The following LINC00632 variants were observed in gnomAD, a reference collection of about 807,000 sequenced individuals.
LINC00632 encodes the protein long independently transcribed non-coding RNA 632.
At chrX:140,772,509 A>G (rs185932897) in exon 4 of LINC00632, 1 of 290,430 alleles carries the variant, frequency 3.4e-6, no homozygotes, top group East Asian at 4.8e-5. Context: ...AAGAACAAGG[A>G]GAGGGATGAT....
chrX:140,768,444 G>C, intron 3 of LINC00632, among the ~76,000 whole-genome samples: 1 of 107,157 alleles, frequency 9.3e-6, no homozygotes. Flanking sequence ...CTATACAATA[G>C]AAGTGCAATA....
exon 5 of LINC00632, among the ~76,000 whole-genome samples, chrX:140,791,185 T>C (rs906562477): frequency 1.9e-5 from 2 of 107,240 alleles, no homozygotes; most frequent in Non-Finnish European, 3.8e-5. Flanking sequence ...CTTGATTGAC[T>C]TATAATTTTA....
At chrX:140,743,224 CAAAAAAAAAAAAAA>C (rs58322122) in intron 3 of LINC00632, among the ~76,000 whole-genome samples, 4 of 44,354 alleles carry the variant, frequency 9.0e-5, no homozygotes, top group African/African-American at 4.7e-4. Flanking sequence ...AACGCTGTCT[CAAAAAAAAAAAAAA>C]AAAAAAAAAA....
exon 5 of LINC00632, among the ~76,000 whole-genome samples, chrX:140,778,081 T>C (rs1200542090): frequency 8.9e-6 from 1 of 112,394 alleles, no homozygotes; most frequent in Non-Finnish European, 1.9e-5. Flanking sequence ...TAATTGTTTT[T>C]ATTTCCCCTC....
At chrX:140,762,230 A>AGAGAGG (rs1556027046) in intron 3 of LINC00632, among the ~76,000 whole-genome samples, 1 of 107,958 alleles carries the variant, frequency 9.3e-6, no homozygotes, top group Non-Finnish European at 1.9e-5. Context: ...AGAGAGAGAG[A>AGAGAGG]GAGAGAGAGA....
rs375131732 is a variant in LINC00632, at chrX:140,721,637, G to C, written n.104+9981G>C. Among the ~76,000 whole-genome samples, 28 of 110,422 alleles carry C rather than the reference G, an allele frequency of 2.5e-4. No individual in the cohort carries two copies. In the East Asian group the frequency reaches 8.1e-3, roughly 32 times the overall value. On this transcript the variant is annotated intron_variant and non_coding_transcript_variant, in intron 2 of 4. Coordinates refer to ENST00000648200, the Ensembl canonical transcript of LINC00632. ...CTGGTTCCTAGCAGGCCATGGAGTG[G>C]TACTGGTCCGTGGCCCAGGGGTTAG...
At chrX:140,738,693 A>G (rs1032601758) in intron 3 of LINC00632, among the ~76,000 whole-genome samples, 2 of 112,429 alleles carry the variant, frequency 1.8e-5, no homozygotes, top group East Asian at 5.5e-4. Flanking sequence ...AAAGTATTTC[A>G]CTAATATTTT....
chrX:140,720,957 T>C (rs1930719004), intron 2 of LINC00632, among the ~76,000 whole-genome samples: 1 of 110,793 alleles, frequency 9.0e-6, no homozygotes, highest in African/African-American at 3.3e-5. Flanking sequence ...CCCAGGGACT[T>C]ACCCTGAGAC....
At chrX:140,737,780 G>A (rs1352476392) in intron 3 of LINC00632, among the ~76,000 whole-genome samples, 2 of 111,699 alleles carry the variant, frequency 1.8e-5, no homozygotes, top group Non-Finnish European at 3.8e-5. Context: ...TTCCATCCAT[G>A]TTGCTGCAAA....
chrX:140,757,080 A>G (rs1931505708), intron 3 of LINC00632, among the ~76,000 whole-genome samples: 1 of 109,110 alleles, frequency 9.2e-6, no homozygotes, highest in Admixed American at 9.7e-5. Flanking sequence ...AGAACTGCCA[A>G]TTAATCAGTG....
intron 3 of LINC00632, among the ~76,000 whole-genome samples, chrX:140,744,571 G>C (rs1488267944): frequency 5.8e-5 from 3 of 51,582 alleles, no homozygotes; most frequent in Admixed American, 2.8e-4. Context: ...TTTTTTTGGG[G>C]GGGGGGGTGG....
chrX:140,712,502 A>C (rs1270307926), intron 2 of LINC00632, among the ~76,000 whole-genome samples: 1 of 107,866 alleles, frequency 9.3e-6, no homozygotes, highest in African/African-American at 3.4e-5. Flanking sequence ...TAAGAGGGAA[A>C]TACAAGAAAT....
Position 140,744,567 on chromosome X carries a change from T to TTGGG in LINC00632, n.191+10603_191+10604insTGGG, listed in dbSNP as rs1556024293. 1.6e-4 allele frequency among the ~76,000 whole-genome samples: 3 copies of TTGGG among 18,219 alleles called. 1 individual carries two copies. Among genetic ancestry groups the TTGGG allele is most frequent in the African/African-American group, 5.7e-4 (3 of 5,305 alleles). The allele number at this position is 18,219 out of a possible 115,157, so 15.8% of individuals were successfully genotyped here. A position where few individuals can be genotyped will look rare whatever the true frequency, so the allele number is the denominator to read the frequency against. On this transcript the variant is annotated intron_variant and non_coding_transcript_variant, in intron 3 of 4. Transcript: ENST00000648200. ...TCTAGTTTGGATTAGAGCTTTTTTT[T>TTGGG]GGGGGGGGGGGTGGGGGGAGGAGAT...
chrX:140,747,245 G>C (rs781093478), intron 3 of LINC00632, among the ~76,000 whole-genome samples: 2 of 111,222 alleles, frequency 1.8e-5, no homozygotes, highest in African/African-American at 6.5e-5. Context: ...GAATTACATC[G>C]GGCTGGGCAC....
intron 3 of LINC00632, among the ~76,000 whole-genome samples, chrX:140,768,016 C>T (rs1931721566): frequency 9.0e-6 from 1 of 111,650 alleles, no homozygotes; most frequent in Admixed American, 9.6e-5. Context: ...AGGAGACAGA[C>T]ATTCAAACCA....
chrX:140,741,023 G>T (rs777797687), intron 3 of LINC00632, among the ~76,000 whole-genome samples: 105 of 111,542 alleles, frequency 9.4e-4, no homozygotes, highest in African/African-American at 3.3e-3. Flanking sequence ...ACCTTATATT[G>T]ACTCCTTATT....
chrX:140,719,342 G>T (rs1267562240), intron 2 of LINC00632, among the ~76,000 whole-genome samples: 2 of 109,515 alleles, frequency 1.8e-5, no homozygotes, highest in Non-Finnish European at 3.8e-5. Flanking sequence ...TCTGTTGCCC[G>T]GGCTGGAGTG....
chrX:140,784,970 T>C (rs1158217624), exon 5 of LINC00632: 1 of 122,270 alleles, frequency 8.2e-6, no homozygotes, highest in African/African-American at 3.3e-5. Flanking sequence ...AATAAACAGA[T>C]AGGACTGCTG....
At chrX:140,784,330 C>T (rs147745826) in exon 5 of LINC00632, 31 of 1,205,098 alleles carry the variant, frequency 2.6e-5, no homozygotes, top group Admixed American at 1.3e-4. Flanking sequence ...AACAAAGGTA[C>T]GTCTTCCAGA....
Sources: gnomAD v4.1 joint callset for allele counts (sites outside exome capture counted in the v4.1 genomes callset) on GRCh38, gnomAD v4.1.1 for gene constraint, MANE v1.5 for transcripts, NCBI Gene and HGNC (gene_info 2026-07-23, HGNC 2026-07-21) for gene names.